Variants in PIWIL1 observed in about 807,000 individuals in gnomAD.
PIWIL1 encodes piwi like RNA-mediated gene silencing 1.
Under a neutral mutation model 114.4 loss-of-function variants are expected in PIWIL1, and 73 were observed. The ratio of observed to expected loss-of-function variants is 0.64; its 90% CI spans 0.53 to 0.78. PIWIL1 has a LOEUF of 0.78. Among genes scored for constraint, PIWIL1 ranks in the 30% least tolerant of loss-of-function variants. PIWIL1 has a pLI of 0.00. For missense variants in PIWIL1, 723 were observed against 1,063.1 expected, an observed-to-expected ratio of 0.68 and a Z score of 4.45; for synonymous variants, 375 against 369.0, an observed-to-expected ratio of 1.02 and a Z score of -0.19.
chr12:130,372,597 C>CAAAAAAAAAAAAAAAAAAAAAAA (rs60262232), exon 21 of PIWIL1: 1 of 67,882 alleles, frequency 1.5e-5, no homozygotes, highest in African/African-American at 6.9e-5. Flanking sequence ...GACTCCGTCT[C>CAAAAAAAAAAAAAAAAAAAAAAA]AAAAAAAAAA....
In PIWIL1 at chr12:130,347,018, T is replaced by C. The variant is rs764355916; in HGVS notation, c.609T>C (p.Pro203=). The change falls in exon 6 of 21, where the codon CCT becomes CCC. Residue 203 remains proline, a synonymous_variant. Coordinates refer to ENST00000245255, the MANE Select transcript of PIWIL1 (RefSeq NM_004764.5). The stretch of plus-strand genomic sequence containing the variant: ...TCACTTTAACAAATGAACTTCCACC[T>C]ACATCACCAACTTGTTTGCAGTTCT... ...ITITLTNELP[P]TSPTCLQFYN... is the part of the protein sequence containing the mutation. The C allele has an allele frequency of 1.9e-6, 3 of 1,613,614 alleles. No individual in the cohort carries two copies. In the East Asian group the frequency reaches 6.7e-5, roughly 36 times the overall value.
chr12:130,341,695 C>T (rs941720040), intron 1 of PIWIL1, among the ~76,000 whole-genome samples: 6 of 152,172 alleles, frequency 3.9e-5, no homozygotes, highest in African/African-American at 1.2e-4. Flanking sequence ...AAGAGTCACA[C>T]GCTATGTTGT....
the PIWIL1 span, chr12:130,414,352 T>A: frequency 2.6e-6 from 4 of 1,516,002 alleles, no homozygotes; most frequent in Non-Finnish European, 3.5e-6. Flanking sequence ...TGAGCCTAAC[T>A]GAGGAGCGTG....
chr12:130,367,744 G>A (rs981325557), intron 19 of PIWIL1, among the ~76,000 whole-genome samples: 3 of 152,194 alleles, frequency 2.0e-5, no homozygotes, highest in African/African-American at 4.8e-5. Context: ...AGCGGGCACC[G>A]GCAGGCACAG....
At chr12:130,371,410 GT>G in intron 20 of PIWIL1, 71 bp from the exon 21 acceptor site, 1 of 1,609,922 alleles carries the variant, frequency 6.2e-7, no homozygotes, top group Admixed American at 1.7e-5. Context: ...GGCTTTTAGG[GT>G]TAATACTGAG....
the PIWIL1 span, chr12:130,425,097 C>T: frequency 1.6e-5 from 6 of 374,856 alleles, no homozygotes; most frequent in Non-Finnish European, 2.4e-5. Flanking sequence ...GCCAGCGGGC[C>T]GGGCAGGAGC....
the PIWIL1 span, among the ~76,000 whole-genome samples, chr12:130,423,414 C>G: frequency 6.6e-6 from 1 of 152,174 alleles, no homozygotes; most frequent in Non-Finnish European, 1.5e-5. Flanking sequence ...CAAGGCCTGG[C>G]GCCATGTGGA....
downstream of PIWIL1, among the ~76,000 whole-genome samples, chr12:130,375,490 A>C (rs1014239639): frequency 2.0e-5 from 3 of 152,218 alleles, no homozygotes; most frequent in African/African-American, 7.2e-5. Flanking sequence ...CTCCCACCTG[A>C]ACCGCGTTTG....
chr12:130,409,268 G>C, the PIWIL1 span, among the ~76,000 whole-genome samples: 1 of 141,380 alleles, frequency 7.1e-6, no homozygotes, highest in Non-Finnish European at 1.5e-5. Context: ...CCACAGATCT[G>C]TTTCCTGTCC....
rs1027955835 is a variant in PIWIL1, at chr12:130,371,985, T to A, written c.*387T>A. The A allele has an allele frequency of 6.5e-6, 1 of 154,860 alleles. No homozygotes were observed. The highest frequency in any genetic ancestry group is 1.9e-4 in the East Asian group (1 of 5,258). The allele number at this position is 154,860 out of a possible 1,614,324, so 9.6% of individuals were successfully genotyped here. A position where few individuals can be genotyped will look rare whatever the true frequency, so the allele number is the denominator to read the frequency against. On this transcript the variant is annotated 3_prime_UTR_variant, in exon 21 of 21. Transcript: ENST00000245255. Reference sequence around the variant, plus strand: ...ACCTATATTAACTTTATTTTTGAGATACCTGTTTTGAATTTAAAGGAGATA... The same window carrying A: ...ACCTATATTAACTTTATTTTTGAGAAACCTGTTTTGAATTTAAAGGAGATA...
At chr12:130,347,575 T>C (rs529992785) in intron 6 of PIWIL1, among the ~76,000 whole-genome samples, 1 of 152,366 alleles carries the variant, frequency 6.6e-6, no homozygotes, top group East Asian at 1.9e-4. Context: ...ATAATACTTG[T>C]ATCTGTAATT....
chr12:130,361,279 C>T lies in PIWIL1; in HGVS notation c.1765C>T (p.Arg589Ter), dbSNP rs767847661. Residue 589 changes from arginine (R) to a stop codon, truncating the protein, a stop_gained, in exon 15 of 21, where the codon CGA (arginine) becomes TGA (stop). Coordinates refer to ENST00000245255, the MANE Select transcript of PIWIL1 (RefSeq NM_004764.5). LOFTEE classifies it high-confidence loss of function. ...TACCCCAAGTCAGTGTGTGGTGGCC[C>T]GAACCTTAGGCAAACAGCAAACTGT... ...CPTPSQCVVARTLGKQQTVMA... is the reference protein window; with the variant it reads ...CPTPSQCVVA 11 of 1,613,814 alleles carry T rather than the reference C, an allele frequency of 6.8e-6. No individual in the cohort carries two copies. Among genetic ancestry groups the T allele is most frequent in the East Asian group, 2.2e-5 (1 of 44,868 alleles).
chr12:130,392,019 T>C, the PIWIL1 span, among the ~76,000 whole-genome samples: 3 of 128,334 alleles, frequency 2.3e-5, no homozygotes, highest in East Asian at 7.1e-4. Context: ...TCATCACGTG[T>C]GTGCGTCAGT....
chr12:130,384,650 G>A, the PIWIL1 span, among the ~76,000 whole-genome samples: 94 of 152,270 alleles, frequency 6.2e-4, no homozygotes, highest in Non-Finnish European at 5.4e-4. Flanking sequence ...CTGCTGGGGT[G>A]CATCGTGGTT....
At chr12:130,371,355 A>G (rs754277043) in intron 20 of PIWIL1, 32 bp downstream of exon 20, 3 of 1,613,628 alleles carry the variant, frequency 1.9e-6, no homozygotes, top group Non-Finnish European at 2.5e-6. Context: ...TGTTTAGCAA[A>G]TAAAGGACAT....
the PIWIL1 span, chr12:130,425,227 T>C: frequency 5.5e-6 from 1 of 181,362 alleles, no homozygotes; most frequent in African/African-American, 2.3e-5. Context: ...CAGGGGAGAC[T>C]GCCCGGGGGC....
downstream of PIWIL1, among the ~76,000 whole-genome samples, chr12:130,374,661 C>G (rs1279341873): frequency 1.3e-5 from 2 of 152,176 alleles, no homozygotes; most frequent in Non-Finnish European, 2.9e-5. Flanking sequence ...GCGCTCTGCC[C>G]TCGTCCATCG....
chr12:130,399,565 A>G, the PIWIL1 span: 1 of 1,225,446 alleles, frequency 8.2e-7, no homozygotes, highest in African/African-American at 1.5e-5. Context: ...AAAAAAATTC[A>G]GGGTGTATTT....
chr12:130,424,025 AAGAC>A, the PIWIL1 span: 13 of 512,360 alleles, frequency 2.5e-5, no homozygotes, highest in Non-Finnish European at 3.3e-5. This position sits in a 1 kb window ranked among gnomAD's most constrained non-coding sequence, Gnocchi z 9.8. Context: ...GGGAAAACGA[AAGAC>A]AGCCAGCAAG....
Sources: allele counts gnomAD v4.1 joint callset (sites outside exome capture counted in the v4.1 genomes callset), GRCh38; gene constraint gnomAD v4.1.1; non-coding constraint Gnocchi (gnomAD v3.1); transcripts MANE v1.5; gene names NCBI Gene and HGNC (gene_info 2026-07-23, HGNC 2026-07-21).